Variants in ZP2 observed in about 807,000 individuals in gnomAD.
ZP2 encodes the protein zona pellucida sperm-binding protein 2.
Under a neutral mutation model 84.0 loss-of-function variants are expected in ZP2, and 51 were observed. The ratio of observed to expected loss-of-function variants is 0.61; its 90% CI spans 0.49 to 0.77. ZP2 has a LOEUF of 0.77. ZP2 is among the 30% of genes least tolerant of loss of function. The probability of loss-of-function intolerance (pLI) is 0.00; values close to 1 mark genes in which losing one functional copy is unlikely to be tolerated. For missense variants in ZP2, 909 were observed against 911.9 expected (o/e 1.00, Z 0.04); for synonymous variants, 375 against 330.9 (o/e 1.13, Z -1.45).
Position 21,206,921 on chromosome 16 carries a change from A to G in ZP2, c.400T>C (p.Tyr134His), listed in dbSNP as rs1218740871. Residue 134 changes from tyrosine (Y) to histidine (H), a missense_variant, in exon 5 of 19, where the codon TAT becomes CAT. Physicochemically the swap from Tyr to His is moderately conservative, Grantham distance 83 (BLOSUM62 2). Transcript: ENST00000574091. ...SAALRHGAVM[Y>H]QFFCPAMQVE... ...TGCATAGCTGGACAGAAGAACTGATACATGACAGCTCCGTGTCTTAAGGCA... is the reference window on the plus strand; with the variant it reads ...TGCATAGCTGGACAGAAGAACTGATGCATGACAGCTCCGTGTCTTAAGGCA... 3.1e-6 allele frequency: 5 copies of G among 1,614,048 alleles called. No individual in the cohort carries two copies. Among genetic ancestry groups the G allele is most frequent in the Non-Finnish European group, 4.2e-6 (5 of 1,180,024 alleles).
chr16:21,204,383 T>G lies in ZP2; in HGVS notation c.715A>C (p.Met239Leu). The G allele has an allele frequency of 1.9e-6, 3 of 1,613,926 alleles. No homozygotes were observed. The highest frequency in any genetic ancestry group is 2.5e-6 in the Non-Finnish European group (3 of 1,179,884). Residue 239 changes from methionine to leucine, a missense_variant, in exon 8 of 19, where the codon ATG (methionine) becomes CTG (leucine). Physicochemically the swap from Met to Leu is conservative, Grantham distance 15. Coordinates refer to ENST00000574091, the MANE Select transcript of ZP2 (RefSeq NM_001376232.1). Reference sequence around the variant, plus strand: ...ATAAATGTAAGCTTCAGAGACACCATGTAGAGATGACTGTTACCTTGCTAG... The same window carrying G: ...ATAAATGTAAGCTTCAGAGACACCAGGTAGAGATGACTGTTACCTTGCTAG... ...HYVQGNSHLY[M>L]VSLKLTFISP... is the part of the protein sequence containing the mutation.
chr16:21,206,826 C>CG lies in ZP2; in HGVS notation c.483+11dup, dbSNP rs1467988818. 2.5e-6 allele frequency: 4 copies of CG among 1,613,946 alleles called. No homozygotes were observed. In the Admixed American group the frequency reaches 5.0e-5, roughly 20 times the overall value. On this transcript the variant is annotated intron_variant, in intron 5 of 18. Coordinates refer to ENST00000574091, the MANE Select transcript of ZP2 (RefSeq NM_001376232.1). ...AGCCATATACCCCGAGCAGTCAGCC[C>CG]GTTTCACTCACAGACATGAAATCCT...
At chr16:21,205,928 A>C in intron 5 of ZP2, 153 bp from the exon 6 acceptor site, 1 of 706,882 alleles carries the variant, frequency 1.4e-6, no homozygotes, top group Non-Finnish European at 2.5e-6. Context: ...CTTAGATGTC[A>C]TTATACTTCT....
At chr16:21,210,985 G>A (rs759980267) in intron 2 of ZP2, among the ~76,000 whole-genome samples, 6 of 151,682 alleles carry the variant, frequency 4.0e-5, no homozygotes, top group African/African-American at 9.7e-5. Flanking sequence ...TTGTTATGTC[G>A]ATGTTTTCCT....
intron 18 of ZP2, 27 bp downstream of exon 18, chr16:21,197,739 G>C: frequency 6.2e-7 from 1 of 1,613,794 alleles, no homozygotes; most frequent in South Asian, 1.1e-5. Context: ...GCTTATTTCA[G>C]AAGTTTGCAA....
rs753003426 is a variant in ZP2 at position 21,204,209 on chromosome 16, G to C, written c.793C>G (p.Pro265Ala). 1.2e-6 allele frequency: 2 copies of C among 1,614,102 alleles called. No homozygotes were observed. The highest frequency in any genetic ancestry group is 1.7e-6 in the Non-Finnish European group (2 of 1,179,998). ...ATGTGTGTGGCATTGCAGGTCACAG[G>C]ATCTAGAAGGAATGACAACAGAATG... ...FSSQAICAPDPVTCNATHMTL... is the reference protein window; with the variant it reads ...FSSQAICAPDAVTCNATHMTL... Residue 265 changes from proline (P) to alanine (A), a missense_variant and splice_region_variant, in exon 9 of 19, where the codon CCT (proline) becomes GCT (alanine). Pro to Ala is a conservative substitution (Grantham distance 27). Transcript: ENST00000574091.
upstream of ZP2, among the ~76,000 whole-genome samples, chr16:21,212,990 C>T (rs1273179588): frequency 3.3e-5 from 5 of 152,228 alleles, no homozygotes; most frequent in Admixed American, 2.6e-4. Context: ...GTGGGTGACA[C>T]TTGCAATTAT....
At position 21,210,242 on chromosome 16, in the gene ZP2, C is replaced by T. The variant is rs565271885; in HGVS notation, c.152-50G>A. The T allele has an allele frequency of 3.4e-6, 5 of 1,451,776 alleles. No individual in the cohort carries two copies. In the South Asian group the frequency reaches 4.6e-5, roughly 13 times the overall value. The allele number at this position is 1,451,776 out of a possible 1,614,324, so 89.9% of individuals were successfully genotyped here. The stretch of plus-strand genomic sequence containing the variant: ...GGGCTTTGAGTCATGAGTGATGCAA[C>T]TCCTACAAAAGTGTATAGACTCCTC... On this transcript the variant is annotated intron_variant, in intron 2 of 18. Transcript: ENST00000574091.
chr16:21,201,207 A>AC (rs1001368370), intron 14 of ZP2, among the ~76,000 whole-genome samples, 162 bp downstream of exon 14: 1 of 151,776 alleles, frequency 6.6e-6, no homozygotes, highest in African/African-American at 2.4e-5. Context: ...TCAAAACAAA[A>AC]AAAAAAAAAA....
rs1386105281 is a variant in ZP2 at position 21,197,866 on chromosome 16, A to C, written c.2012-17T>G. 8.7e-6 allele frequency: 14 copies of C among 1,612,626 alleles called. No individual in the cohort carries two copies. Among genetic ancestry groups the C allele is most frequent in the South Asian group, 3.3e-5 (3 of 91,052 alleles). On this transcript the variant is annotated splice_polypyrimidine_tract_variant and intron_variant, in intron 17 of 18. Transcript: ENST00000574091. Reference sequence around the variant, plus strand: ...AGCCGACACCTGGGAAGAACCTGAGAGTTTAGTACAACATCTTCATGCTAG... The same window carrying C: ...AGCCGACACCTGGGAAGAACCTGAGCGTTTAGTACAACATCTTCATGCTAG...
At chr16:21,206,760 G>A in intron 5 of ZP2, 78 bp downstream of exon 5, 2 of 1,568,774 alleles carry the variant, frequency 1.3e-6, no homozygotes, top group Non-Finnish European at 1.7e-6. Flanking sequence ...TGATTTCTAA[G>A]CCCCGCCCTG....
At chr16:21,199,317 T>TC (rs1434547291) in intron 16 of ZP2, among the ~76,000 whole-genome samples, 3 of 14,196 alleles carry the variant, frequency 2.1e-4, no homozygotes, top group African/African-American at 4.8e-4. Flanking sequence ...CAAAACTGTC[T>TC]CAAAAAAAAA....
In ZP2 at chr16:21,198,092, A is replaced by ATTT. The variant is rs34614859; in HGVS notation, c.2012-246_2012-244dup. 6.0e-3 allele frequency: 1,529 copies of ATTT among 254,346 alleles called. 20 individuals carry two copies. Among genetic ancestry groups the ATTT allele is most frequent in the African/African-American group, 0.023 (904 of 39,120 alleles). 15.8% of individuals were successfully genotyped at this position (254,346 alleles called of 1,614,324 possible). A position where few individuals can be genotyped will look rare whatever the true frequency, so the allele number is the denominator to read the frequency against. On this transcript the variant is annotated intron_variant, in intron 17 of 18. Transcript: ENST00000574091. ...ACTACTATACAAGAAATTCAAGAGG[A>ATTT]TTTTTTTTTTTTTTTTTTGTGGCCG...
intron 17 of ZP2, 175 bp from the exon 18 acceptor site, chr16:21,198,024 A>T (rs2093207595): frequency 3.3e-6 from 2 of 606,914 alleles, no homozygotes; most frequent in African/African-American, 3.7e-5. Context: ...TAAGATGCAC[A>T]TGCTCTGACC....
At chr16:21,201,341 G>A in intron 14 of ZP2, 28 bp downstream of exon 14, 2 of 1,511,662 alleles carry the variant, frequency 1.3e-6, no homozygotes, top group Non-Finnish European at 1.8e-6. Flanking sequence ...GATTAGCTGG[G>A]TAACCTGATA....
intron 3 of ZP2, 116 bp downstream of exon 3, chr16:21,209,993 G>T: frequency 1.1e-6 from 1 of 916,236 alleles, no homozygotes; most frequent in African/African-American, 1.6e-5. Flanking sequence ...ATGGCATCAT[G>T]GGAGTTGGAT....
Position 21,199,793 on chromosome 16 carries a change from C to T in ZP2, c.1780G>A (p.Asp594Asn). The T allele has an allele frequency of 2.5e-6, 4 of 1,614,052 alleles. No homozygotes were observed. The highest frequency in any genetic ancestry group is 3.4e-6 in the Non-Finnish European group (4 of 1,180,026). The change falls in exon 15 of 19, where the codon GAC (aspartate) becomes AAC (asparagine). Residue 594 changes from aspartate (D) to asparagine (N), a missense_variant. By Grantham distance (23) the Asp-to-Asn change is conservative. Transcript: ENST00000574091. Reference sequence around the variant, plus strand: ...GATACAAAGGCAAAAGCCTTCATGTCAAACCTCTGATAGTGATCAGGATGG... The same window carrying T: ...GATACAAAGGCAAAAGCCTTCATGTTAAACCTCTGATAGTGATCAGGATGG... Reference protein sequence around the residue: ...VTHPDHYQRFDMKAFAFVSEA... With the variant: ...VTHPDHYQRFNMKAFAFVSEA...
At chr16:21,206,776 A>T in intron 5 of ZP2, 62 bp downstream of exon 5, 1 of 1,602,096 alleles carries the variant, frequency 6.2e-7, no homozygotes, top group Admixed American at 1.7e-5. Context: ...CCCTGGTTAG[A>T]TCATCATCAT....
chr16:21,210,788 T>A (rs2093271045), intron 2 of ZP2, among the ~76,000 whole-genome samples: 1 of 152,062 alleles, frequency 6.6e-6, no homozygotes, highest in Non-Finnish European at 1.5e-5. Context: ...TTGGCCAGGC[T>A]GGTCTCAAAC....
Sources: gnomAD v4.1 joint callset for allele counts (sites outside exome capture counted in the v4.1 genomes callset) on GRCh38, gnomAD v4.1.1 for gene constraint, MANE v1.5 for transcripts, NCBI Gene and HGNC (gene_info 2026-07-23, HGNC 2026-07-21) for gene names.